Variants in ZMAT4 observed in about 807,000 individuals in gnomAD.
ZMAT4 encodes the protein zinc finger matrin-type protein 4.
ZMAT4 carries 17 observed loss-of-function variants against 28.7 expected under a neutral mutation model. The observed-to-expected ratio is 0.59, with a 90% CI of 0.41 to 0.89. The LOEUF is 0.89. Ranked by LOEUF, ZMAT4 falls within the 40% of genes least tolerant of loss-of-function variation. ZMAT4 has a pLI of 0.00. For synonymous variants in ZMAT4, 117 were observed against 109.2 expected (o/e 1.07, Z -0.44); for missense variants, 240 against 283.8 (o/e 0.85, Z 1.11).
chr8:40,841,518 C>T (rs1223827220), intron 1 of ZMAT4, among the ~76,000 whole-genome samples: 1 of 152,148 alleles, frequency 6.6e-6, no homozygotes, highest in African/African-American at 2.4e-5. Flanking sequence ...CTCCTCTTAC[C>T]CAAGCTGGGT....
intron 1 of ZMAT4, among the ~76,000 whole-genome samples, chr8:40,836,680 G>A (rs1816501659): frequency 1.3e-5 from 2 of 151,884 alleles, no homozygotes; most frequent in African/African-American, 2.4e-5. Flanking sequence ...AGACATCTTG[G>A]GCATACATGT....
intron 2 of ZMAT4, among the ~76,000 whole-genome samples, chr8:40,807,855 C>A (rs1815157293): frequency 6.6e-6 from 1 of 152,292 alleles, no homozygotes; most frequent in Non-Finnish European, 1.5e-5. Context: ...CCAAGGAATT[C>A]CAAAGACATT....
chr8:40,773,013 C>T (rs903498062), intron 2 of ZMAT4, among the ~76,000 whole-genome samples: 8 of 152,250 alleles, frequency 5.3e-5, no homozygotes, highest in African/African-American at 1.7e-4. Context: ...CTGAGGGTCC[C>T]AGGGATGAGC....
chr8:40,660,872 C>T (rs758417989), intron 5 of ZMAT4, among the ~76,000 whole-genome samples: 1 of 152,122 alleles, frequency 6.6e-6, no homozygotes, highest in Non-Finnish European at 1.5e-5. Context: ...CAAAACATAC[C>T]AGACATCTTC....
chr8:40,858,033 G>A (rs532986101), intron 1 of ZMAT4, among the ~76,000 whole-genome samples: 23 of 152,314 alleles, frequency 1.5e-4, no homozygotes, highest in African/African-American at 5.3e-4. Flanking sequence ...CCAGAAAGGG[G>A]TGATGGAAAG....
chr8:40,673,929 C>T lies in ZMAT4; in HGVS notation c.577+775G>A, dbSNP rs143970159. Among the ~76,000 whole-genome samples, 13 of 152,222 alleles carry T rather than the reference C, an allele frequency of 8.5e-5. No individual in the cohort carries two copies. The East Asian group carries it at 2.5e-3, about 29-fold the overall frequency. On this transcript the variant is annotated intron_variant, in intron 5 of 6. Transcript: ENST00000297737. ...GTTGACTACATAGTGCCACACAGCA[C>T]TGTCTTGCCGTGATTTCCCGGAGAT... is the stretch of plus-strand genomic sequence containing the variant.
intron 3 of ZMAT4, among the ~76,000 whole-genome samples, chr8:40,727,986 T>G (rs1312400242): frequency 2.6e-5 from 4 of 151,980 alleles, no homozygotes; most frequent in African/African-American, 9.7e-5. Flanking sequence ...AAAGCAAAAA[T>G]AGGTAGTTAT....
intron 5 of ZMAT4, among the ~76,000 whole-genome samples, chr8:40,617,616 T>A (rs1806056600): frequency 6.6e-6 from 1 of 152,236 alleles, no homozygotes; most frequent in Non-Finnish European, 1.5e-5. Flanking sequence ...CAGTTGAATA[T>A]TCTTTGAGCA....
At chr8:40,854,374 C>G (rs554333160) in intron 1 of ZMAT4, among the ~76,000 whole-genome samples, 11 of 152,252 alleles carry the variant, frequency 7.2e-5, no homozygotes, top group African/African-American at 2.2e-4. Flanking sequence ...TAGGACAGCT[C>G]AAAGGAAATG....
chr8:40,853,566 A>G (rs1817191028), intron 1 of ZMAT4, among the ~76,000 whole-genome samples: 2 of 152,188 alleles, frequency 1.3e-5, no homozygotes, highest in African/African-American at 4.8e-5. Flanking sequence ...AAAAAAATAA[A>G]TAAATAAAAT....
At chr8:40,746,712 AT>A (rs1336654644) in intron 3 of ZMAT4, among the ~76,000 whole-genome samples, 1 of 152,062 alleles carries the variant, frequency 6.6e-6, no homozygotes, top group East Asian at 1.9e-4. Context: ...TGGATGATAA[AT>A]GATATTGTCA....
At chr8:40,573,451 T>A (rs767769149) in intron 6 of ZMAT4, among the ~76,000 whole-genome samples, 8 of 152,162 alleles carry the variant, frequency 5.3e-5, no homozygotes, top group Middle Eastern at 3.2e-3. Context: ...TTAGCCTTCT[T>A]CTCTGTGTAT....
Position 40,532,138 on chromosome 8 carries a change from G to T in ZMAT4, c.*85C>A. 7.7e-7 allele frequency: 1 copy of T among 1,303,666 alleles called. No homozygotes were observed. Among genetic ancestry groups the T allele is most frequent in the Non-Finnish European group, 1.0e-6 (1 of 961,792 alleles). The allele number at this position is 1,303,666 out of a possible 1,614,324, so 80.8% of individuals were successfully genotyped here. On this transcript the variant is annotated 3_prime_UTR_variant, in exon 7 of 7. Transcript: ENST00000297737. Reference sequence around the variant, plus strand: ...TAAGAAATGTTTATTGTTCAAGAAAGAAGCCTCCTCTGGTGGTTGATAAGC... The same window carrying T: ...TAAGAAATGTTTATTGTTCAAGAAATAAGCCTCCTCTGGTGGTTGATAAGC...
chr8:40,891,591 G>A (rs973816135), intron 1 of ZMAT4, among the ~76,000 whole-genome samples: 1 of 152,110 alleles, frequency 6.6e-6, no homozygotes, highest in African/African-American at 2.4e-5. Context: ...CCTTGTCTCA[G>A]CCAATCCCTG....
At chr8:40,646,587 T>C (rs1807327168) in intron 5 of ZMAT4, among the ~76,000 whole-genome samples, 2 of 152,168 alleles carry the variant, frequency 1.3e-5, no homozygotes, top group Non-Finnish European at 2.9e-5. Context: ...TATTTATTGT[T>C]GTCAATTTAA....
intron 5 of ZMAT4, among the ~76,000 whole-genome samples, chr8:40,629,150 G>A (rs1806482258): frequency 1.3e-5 from 2 of 150,758 alleles, no homozygotes; most frequent in South Asian, 4.2e-4. Context: ...ATTTCCATCA[G>A]CCTCTTTTAT....
chr8:40,719,632 C>A (rs1410635782), intron 3 of ZMAT4, among the ~76,000 whole-genome samples: 2 of 151,824 alleles, frequency 1.3e-5, no homozygotes, highest in African/African-American at 4.8e-5. Context: ...TGCAGTGGTG[C>A]AATCTCAACT....
intron 3 of ZMAT4, among the ~76,000 whole-genome samples, chr8:40,737,342 A>G (rs1585968008): frequency 6.6e-6 from 1 of 152,140 alleles, no homozygotes; most frequent in Non-Finnish European, 1.5e-5. Context: ...TTTAAGGAGA[A>G]GAGGGATGGG....
chr8:40,543,550 G>A (rs1185683023), intron 6 of ZMAT4, among the ~76,000 whole-genome samples: 1 of 152,184 alleles, frequency 6.6e-6, no homozygotes, highest in Non-Finnish European at 1.5e-5. Context: ...GTGCTGTGGA[G>A]TGTGGTCCTG....
Sources: gnomAD v4.1 joint callset for allele counts (sites outside exome capture counted in the v4.1 genomes callset) on GRCh38, gnomAD v4.1.1 for gene constraint, MANE v1.5 for transcripts, NCBI Gene and HGNC (gene_info 2026-07-23, HGNC 2026-07-21) for gene names.